The following RWDD4 variants were observed in gnomAD, a reference collection of about 807,000 sequenced individuals.
RWDD4 encodes the protein RWD domain-containing protein 4.
A neutral mutation model predicts 30.0 loss-of-function variants in RWDD4; 16 were observed. The ratio of observed to expected loss-of-function variants is 0.53; its 90% CI spans 0.36 to 0.81. The LOEUF (loss-of-function observed/expected upper bound fraction) is 0.81, where lower values mean the gene tolerates loss of function less well. Ranked by LOEUF, RWDD4 falls within the 30% of genes least tolerant of loss-of-function variation. RWDD4 has a pLI of 0.00. For synonymous variants in RWDD4, 45 were observed against 72.1 expected, an observed-to-expected ratio of 0.62 and a Z score of 1.90; for missense variants, 170 against 223.9, an observed-to-expected ratio of 0.76 and a Z score of 1.54.
intron 5 of RWDD4, among the ~76,000 whole-genome samples, chr4:183,647,067 A>G (rs935411310): frequency 8.5e-5 from 13 of 152,212 alleles, no homozygotes; most frequent in African/African-American, 2.4e-4. Context: ...ATTTAATCTA[A>G]CATTCTTTAA....
chr4:183,651,859 A>G (rs1734082915), intron 2 of RWDD4, among the ~76,000 whole-genome samples: 1 of 152,244 alleles, frequency 6.6e-6, no homozygotes, highest in Non-Finnish European at 1.5e-5. Context: ...TTCTGAATAA[A>G]GACGCCCTTG....
At chr4:183,657,632 G>C (rs1734229244) in intron 1 of RWDD4, among the ~76,000 whole-genome samples, 2 of 152,120 alleles carry the variant, frequency 1.3e-5, no homozygotes. Context: ...AATTTAACTA[G>C]ACAAAACAGC....
chr4:183,656,850 A>AC (rs1273203295), intron 1 of RWDD4, among the ~76,000 whole-genome samples: 1 of 152,162 alleles, frequency 6.6e-6, no homozygotes, highest in African/African-American at 2.4e-5. Flanking sequence ...ACACGGTGAA[A>AC]CCCCATCTCT....
At chr4:183,645,363 TGA>T (rs1175307054) in intron 7 of RWDD4, among the ~76,000 whole-genome samples, 1 of 152,090 alleles carries the variant, frequency 6.6e-6, no homozygotes, top group Non-Finnish European at 1.5e-5. Flanking sequence ...AAGAAAAATC[TGA>T]GACATGTAGG....
intron 2 of RWDD4, among the ~76,000 whole-genome samples, chr4:183,655,303 A>ATTT (rs376578650): frequency 0.073 from 10,702 of 146,922 alleles, 1,274 homozygotes; most frequent in African/African-American, 0.26. Context: ...TACTGTTACT[A>ATTT]TTTTTTTTTT....
intron 7 of RWDD4, 112 bp from the exon 8 acceptor site, chr4:183,641,580 C>T: frequency 5.0e-6 from 4 of 802,946 alleles, no homozygotes; most frequent in Non-Finnish European, 8.5e-6. Context: ...CTTAAATCAC[C>T]TACAGTTTTT....
At chr4:183,642,235 G>A (rs1436833801) in intron 7 of RWDD4, among the ~76,000 whole-genome samples, 1 of 81,946 alleles carries the variant, frequency 1.2e-5, no homozygotes, top group Non-Finnish European at 2.2e-5. Context: ...TGTCGCCCAG[G>A]CTGGAGTGCA....
intron 7 of RWDD4, among the ~76,000 whole-genome samples, chr4:183,643,130 A>T (rs1281555363): frequency 7.6e-6 from 1 of 130,744 alleles, no homozygotes; most frequent in Non-Finnish European, 1.6e-5. Context: ...AAAAAAAAAA[A>T]AGAAAACGGG....
At chr4:183,649,416 A>AAAAAG (rs761878474) in intron 5 of RWDD4, 35 bp downstream of exon 5, 134 of 1,419,874 alleles carry the variant, frequency 9.4e-5, no homozygotes, top group African/African-American at 7.6e-4. Context: ...CTCTGTCAAA[A>AAAAAG]AAAAGAAAAG....
chr4:183,650,939 C>T (rs1561011936), intron 4 of RWDD4, 45 bp downstream of exon 4: 1 of 1,582,378 alleles, frequency 6.3e-7, no homozygotes. Flanking sequence ...AACAGCAAAA[C>T]CAAAACAACA....
chr4:183,659,121 G>T lies in RWDD4; in HGVS notation c.-169C>A. The stretch of plus-strand genomic sequence containing the variant: ...TGCGCGCGCCCCGAGCCTCGGCAGC[G>T]CCCAGCCGCCGGCAGTGGGCTGTGG... On this transcript the variant is annotated 5_prime_UTR_variant, in exon 1 of 8. Transcript: ENST00000326397. 1 of 464,294 alleles carries T rather than the reference G, an allele frequency of 2.2e-6. No homozygotes were observed. Among genetic ancestry groups the T allele is most frequent in the Non-Finnish European group, 3.5e-6 (1 of 287,700 alleles). 28.8% of individuals were successfully genotyped at this position (464,294 alleles called of 1,614,324 possible). A position where few individuals can be genotyped will look rare whatever the true frequency, so the allele number is the denominator to read the frequency against.
In RWDD4 at chr4:183,646,478, T is replaced by C; in HGVS notation, c.531+10A>G. The C allele has an allele frequency of 1.2e-6, 2 of 1,610,272 alleles. No individual in the cohort carries two copies. The highest frequency in any genetic ancestry group is 1.7e-6 in the Non-Finnish European group (2 of 1,178,982). ...ACAAGTTTAAAGACTAGAATATAAA[T>C]GTTATATACCTTCACAACATCAACC... On this transcript the variant is annotated intron_variant, in intron 6 of 7. Transcript: ENST00000326397.
chr4:183,655,436 C>T (rs184657403), intron 2 of RWDD4, among the ~76,000 whole-genome samples: 11,528 of 151,630 alleles, frequency 0.076, 554 homozygotes, highest in East Asian at 0.18. Context: ...CGCCCGCCAC[C>T]ATGCCCGGCT....
At chr4:183,652,820 AAAAG>A (rs1561013107) in intron 2 of RWDD4, among the ~76,000 whole-genome samples, 2 of 151,928 alleles carry the variant, frequency 1.3e-5, no homozygotes, top group South Asian at 2.1e-4. Flanking sequence ...AAAAAAAAAA[AAAAG>A]AAAGAAATCC....
intron 2 of RWDD4, 52 bp from the exon 3 acceptor site, chr4:183,651,379 A>G: frequency 7.8e-7 from 1 of 1,275,760 alleles, no homozygotes; most frequent in Non-Finnish European, 1.1e-6. Context: ...AAAGACAGAA[A>G]ACTAAATTAT....
At chr4:183,655,472 AGTGG>A (rs1561014405) in intron 2 of RWDD4, among the ~76,000 whole-genome samples, 1 of 149,724 alleles carries the variant, frequency 6.7e-6, no homozygotes, top group African/African-American at 2.5e-5. Context: ...TAGTAGAGAC[AGTGG>A]GGTTTCACCA....
At chr4:183,654,944 G>GT (rs915116257) in intron 2 of RWDD4, among the ~76,000 whole-genome samples, 19 of 150,964 alleles carry the variant, frequency 1.3e-4, no homozygotes, top group South Asian at 4.2e-4. Flanking sequence ...TTATTTGTGT[G>GT]TTTTTTTTGT....
chr4:183,648,198 C>G (rs1310906039), intron 5 of RWDD4, among the ~76,000 whole-genome samples: 1 of 150,148 alleles, frequency 6.7e-6, no homozygotes, highest in Non-Finnish European at 1.5e-5. Flanking sequence ...GATCGCGCCA[C>G]TGCACTCCAG....
chr4:183,648,871 A>T (rs574587431), intron 5 of RWDD4, among the ~76,000 whole-genome samples: 2 of 150,402 alleles, frequency 1.3e-5, no homozygotes, highest in South Asian at 2.1e-4. Context: ...TTTGAGACAG[A>T]GTTTTGCTGT....
Sources: allele counts gnomAD v4.1 joint callset (sites outside exome capture counted in the v4.1 genomes callset), GRCh38; gene constraint gnomAD v4.1.1; transcripts MANE v1.5; gene names NCBI Gene and HGNC (gene_info 2026-07-23, HGNC 2026-07-21).